The following CDH4 variants were observed in gnomAD, a reference collection of about 807,000 sequenced individuals.
CDH4 encodes the protein cadherin 4.
Under a neutral mutation model 86.0 loss-of-function variants are expected in CDH4, and 33 were observed. The ratio of observed to expected loss-of-function variants is 0.38; its 90% CI spans 0.29 to 0.51. CDH4 has a LOEUF of 0.51. CDH4 is among the 20% of genes least tolerant of loss of function. The pLI is 0.86. For missense variants in CDH4, 1,114 were observed against 1,307.4 expected, an observed-to-expected ratio of 0.85 and a Z score of 2.28; for synonymous variants, 555 against 549.4, an observed-to-expected ratio of 1.01 and a Z score of -0.14.
intron 2 of CDH4, among the ~76,000 whole-genome samples, chr20:61,594,443 C>A (rs1363918133): frequency 6.6e-6 from 1 of 152,142 alleles, no homozygotes; most frequent in Non-Finnish European, 1.5e-5. Context: ...CCTGTCACTG[C>A]CAAGAGAGGA....
intron 2 of CDH4, among the ~76,000 whole-genome samples, chr20:61,720,598 G>A (rs1426894865): frequency 6.6e-6 from 1 of 151,624 alleles, no homozygotes; most frequent in African/African-American, 2.4e-5. Flanking sequence ...GGTGTACAGT[G>A]CAGGGGTGCA....
chr20:61,748,054 A>T (rs1327910536), intron 3 of CDH4, among the ~76,000 whole-genome samples: 1 of 152,216 alleles, frequency 6.6e-6, no homozygotes, highest in African/African-American at 2.4e-5. Flanking sequence ...GGAAGCAATG[A>T]CTAGGAGGCT....
intron 2 of CDH4, among the ~76,000 whole-genome samples, chr20:61,686,235 C>T (rs1305223139): frequency 6.6e-6 from 1 of 152,266 alleles, no homozygotes; most frequent in Non-Finnish European, 1.5e-5. Flanking sequence ...GGTTTCCTTG[C>T]AGAGCTCTCT....
chr20:61,771,813 A>C (rs1442811563), intron 3 of CDH4, among the ~76,000 whole-genome samples: 1 of 152,194 alleles, frequency 6.6e-6, no homozygotes, highest in Non-Finnish European at 1.5e-5. Flanking sequence ...TCAGACATTC[A>C]GATTTGTGCT....
intron 3 of CDH4, among the ~76,000 whole-genome samples, chr20:61,752,070 G>A (rs147416014): frequency 0.089 from 13,625 of 152,248 alleles, 694 homozygotes; most frequent in African/African-American, 0.11. Flanking sequence ...GGTGGCTCAC[G>A]CCTGTAATCC....
rs2084067980 is a variant in CDH4 at position 61,252,587 on chromosome 20, C to T, written c.57+17C>T. 6 of 1,201,368 alleles carry T rather than the reference C, an allele frequency of 5.0e-6. No homozygotes were observed. In the Admixed American group the frequency reaches 2.2e-4, roughly 44 times the overall value. The allele number at this position is 1,201,368 out of a possible 1,614,324, so 74.4% of individuals were successfully genotyped here. On this transcript the variant is annotated intron_variant, in intron 1 of 15. Coordinates refer to ENST00000614565, the MANE Select transcript of CDH4 (RefSeq NM_001794.5). The surrounding 1 kb of genome is among the most constrained non-coding windows in gnomAD (Gnocchi z 4.4). ...GCGCTCCGGGTAAGTTGCCGCCTCC[C>T]GCCCCCGCCGTTCGGAAGCCCCGGG...
At chr20:61,492,824 G>A (rs2085635867) in intron 2 of CDH4, among the ~76,000 whole-genome samples, 1 of 152,158 alleles carries the variant, frequency 6.6e-6, no homozygotes, top group Admixed American at 6.5e-5. Flanking sequence ...TTTGGGGAAG[G>A]GCTACTTTAA....
At chr20:61,692,667 G>A (rs888229665) in intron 2 of CDH4, among the ~76,000 whole-genome samples, 2 of 152,256 alleles carry the variant, frequency 1.3e-5, no homozygotes, top group South Asian at 4.1e-4. Context: ...GATGGGGCAG[G>A]GGCAAGTTTA....
chr20:61,782,308 C>CA (rs1978590541), intron 4 of CDH4, among the ~76,000 whole-genome samples: 1 of 151,858 alleles, frequency 6.6e-6, no homozygotes, highest in Non-Finnish European at 1.5e-5. Context: ...TACTCTGCCT[C>CA]AAAAAATAAA....
chr20:61,871,501 A>G (rs1228496819), intron 6 of CDH4, among the ~76,000 whole-genome samples: 2 of 152,222 alleles, frequency 1.3e-5, no homozygotes, highest in African/African-American at 4.8e-5. Flanking sequence ...TACTGCAGTT[A>G]GCTCTGCGCG....
intron 2 of CDH4, among the ~76,000 whole-genome samples, chr20:61,447,323 A>ATTTTTTTTTTTTT (rs71331923): frequency 5.6e-4 from 62 of 110,814 alleles, no homozygotes; most frequent in South Asian, 1.3e-3. Flanking sequence ...CGCCCAGCTG[A>ATTTTTTTTTTTTT]TTTTTTTTTT....
intron 2 of CDH4, among the ~76,000 whole-genome samples, chr20:61,737,414 C>T (rs986203541): frequency 3.9e-5 from 6 of 152,102 alleles, no homozygotes; most frequent in Non-Finnish European, 5.9e-5. Context: ...CTCAGAATCC[C>T]AAGAGCCAGC....
At position 61,671,675 on chromosome 20, in the gene CDH4, GTGGA is replaced by G. The variant is rs536543511; in HGVS notation, c.170-71880_170-71877del. 9.6e-4 allele frequency among the ~76,000 whole-genome samples: 145 copies of G among 151,252 alleles called. No homozygotes were observed. The Middle Eastern group carries it at 0.01, about 11-fold the overall frequency. On this transcript the variant is annotated intron_variant, in intron 2 of 15. Transcript: ENST00000614565. ...TGAATGGATGGATAATGGATGGATGGTGGATGGATGGGTGGGTGGGTGGATAGAT... is the reference window on the plus strand; with the variant it reads ...TGAATGGATGGATAATGGATGGATGGTGGATGGGTGGGTGGGTGGATAGAT...
chr20:61,741,830 G>A (rs1197776852), intron 2 of CDH4, among the ~76,000 whole-genome samples: 4 of 151,994 alleles, frequency 2.6e-5, no homozygotes, highest in African/African-American at 7.3e-5. Flanking sequence ...GAGCCACCGC[G>A]CCCAGCCGCC....
At chr20:61,923,180 C>T (rs904538091) in intron 9 of CDH4, among the ~76,000 whole-genome samples, 2 of 152,236 alleles carry the variant, frequency 1.3e-5, no homozygotes, top group African/African-American at 4.8e-5. Context: ...CCAGGAGGAG[C>T]CCAGCTTCTG....
intron 2 of CDH4, among the ~76,000 whole-genome samples, chr20:61,697,870 T>C (rs1189018317): frequency 2.0e-5 from 3 of 152,174 alleles, no homozygotes; most frequent in Non-Finnish European, 4.4e-5. Flanking sequence ...CTTCTACCCA[T>C]TCCCACACCC....
At chr20:61,514,015 C>T (rs1263258434) in intron 2 of CDH4, among the ~76,000 whole-genome samples, 2 of 152,228 alleles carry the variant, frequency 1.3e-5, no homozygotes, top group Non-Finnish European at 2.9e-5. Flanking sequence ...GACCTCCTGG[C>T]TGGCTTACAA....
intron 14 of CDH4, among the ~76,000 whole-genome samples, 190 bp from the exon 15 acceptor site, chr20:61,933,866 T>G (rs2123012062): frequency 6.6e-6 from 1 of 151,442 alleles, no homozygotes; most frequent in South Asian, 2.1e-4. Flanking sequence ...GGGATTGGGG[T>G]AAAGGGCAAG....
At chr20:61,667,042 G>A (rs1395046998) in intron 2 of CDH4, among the ~76,000 whole-genome samples, 1 of 152,254 alleles carries the variant, frequency 6.6e-6, no homozygotes, top group Non-Finnish European at 1.5e-5. Context: ...TATGGACCGT[G>A]CCCTTTGGGC....
Sources: allele counts gnomAD v4.1 joint callset (sites outside exome capture counted in the v4.1 genomes callset), GRCh38; gene constraint gnomAD v4.1.1; non-coding constraint Gnocchi (gnomAD v3.1); transcripts MANE v1.5; gene names NCBI Gene and HGNC (gene_info 2026-07-23, HGNC 2026-07-21).